The following EGFLAM variants were observed in gnomAD, a reference collection of about 807,000 sequenced individuals.
EGFLAM encodes EGF like, fibronectin type III and laminin G domains.
Under a neutral mutation model 113.1 loss-of-function variants are expected in EGFLAM, and 79 were observed. The observed-to-expected ratio is 0.70, with a 90% CI of 0.58 to 0.84. EGFLAM has a LOEUF of 0.84. EGFLAM is among the 40% of genes least tolerant of loss of function. EGFLAM has a pLI of 0.00. For missense variants in EGFLAM, 1,265 were observed against 1,291.6 expected (o/e 0.98, Z 0.32); for synonymous variants, 504 against 487.6 (o/e 1.03, Z -0.44).
intron 6 of EGFLAM, among the ~76,000 whole-genome samples, chr5:38,396,691 G>C (rs1740970223): frequency 6.6e-6 from 1 of 152,198 alleles, no homozygotes. Flanking sequence ...TGCCACAGAA[G>C]GTTGCCAGGA....
intron 5 of EGFLAM, among the ~76,000 whole-genome samples, chr5:38,366,511 C>T (rs185564758): frequency 6.6e-6 from 1 of 152,256 alleles, no homozygotes; most frequent in African/African-American, 2.4e-5. Context: ...AATGGACTAG[C>T]CCATGGCAGC....
chr5:38,347,189 C>T (rs1384185980), intron 3 of EGFLAM, among the ~76,000 whole-genome samples: 3 of 152,124 alleles, frequency 2.0e-5, no homozygotes, highest in Non-Finnish European at 4.4e-5. Flanking sequence ...TCAGTAGTAT[C>T]GGCTGGCTTC....
chr5:38,323,674 A>T (rs1259689952), intron 1 of EGFLAM, among the ~76,000 whole-genome samples: 1 of 152,132 alleles, frequency 6.6e-6, no homozygotes, highest in East Asian at 1.9e-4. Context: ...TTGAGGAAGC[A>T]CTAGCATGTT....
chr5:38,342,613 T>C (rs999605697), intron 3 of EGFLAM, among the ~76,000 whole-genome samples: 1 of 152,200 alleles, frequency 6.6e-6, no homozygotes. Context: ...GCCCACCTTA[T>C]CTTTTTCTTA....
chr5:38,426,773 G>A (rs1742022746), intron 13 of EGFLAM, among the ~76,000 whole-genome samples: 1 of 152,140 alleles, frequency 6.6e-6, no homozygotes, highest in Admixed American at 6.5e-5. Flanking sequence ...GCACGTGAGA[G>A]GAGAGAAAGA....
intron 6 of EGFLAM, among the ~76,000 whole-genome samples, chr5:38,387,252 T>C (rs1044964855): frequency 2.6e-5 from 4 of 152,284 alleles, no homozygotes; most frequent in Admixed American, 1.3e-4. Context: ...TCCACTGGCT[T>C]GTTGCTCTCC....
intron 15 of EGFLAM, among the ~76,000 whole-genome samples, chr5:38,432,903 C>T (rs1328842623): frequency 1.3e-5 from 2 of 152,220 alleles, no homozygotes; most frequent in East Asian, 3.8e-4. Flanking sequence ...GTGACACCTA[C>T]ACTCTCCCTT....
Position 38,406,940 on chromosome 5 carries a change from C to T in EGFLAM, c.941C>T (p.Ala314Val), listed in dbSNP as rs1258821944. The T allele has an allele frequency of 3.7e-6, 6 of 1,614,092 alleles. No individual in the cohort carries two copies. In the East Asian group the frequency reaches 1.3e-4, roughly 36 times the overall value. The change falls in exon 8 of 22, where the codon GCA (alanine) becomes GTA (valine). Residue 314 changes from alanine (A) to valine (V), a missense_variant. Transcript: ENST00000322350. ...TISRLIPPTS[A>V]SLPVTTVAPQ... is the part of the protein sequence containing the mutation. ...TCTAGGCTCATCCCCCCTACCTCAG[C>T]ATCTCTCCCTGTGACCACGGTGGCT...
chr5:38,459,319 TA>T (rs1228687636), intron 20 of EGFLAM, among the ~76,000 whole-genome samples: 3 of 151,136 alleles, frequency 2.0e-5, no homozygotes, highest in Admixed American at 2.0e-4. Context: ...TTTTTTTTTT[TA>T]CACATTACCT....
chr5:38,446,867 G>T (rs1221002379), intron 17 of EGFLAM, among the ~76,000 whole-genome samples: 1 of 152,080 alleles, frequency 6.6e-6, no homozygotes, highest in East Asian at 1.9e-4. Context: ...ATGTTTGAAG[G>T]TTAATCTGTA....
chr5:38,422,507 AT>A (rs1186187348), intron 12 of EGFLAM, among the ~76,000 whole-genome samples: 1 of 152,194 alleles, frequency 6.6e-6, no homozygotes, highest in African/African-American at 2.4e-5. Context: ...TCTTCTCATA[AT>A]GATGTTCTTA....
intron 1 of EGFLAM, among the ~76,000 whole-genome samples, chr5:38,262,275 G>T (rs1757518218): frequency 6.6e-6 from 1 of 152,206 alleles, no homozygotes. Flanking sequence ...CCAGACAACT[G>T]CGGGAACCAG....
chr5:38,368,020 A>G (rs1004872447), intron 5 of EGFLAM, among the ~76,000 whole-genome samples: 3 of 152,182 alleles, frequency 2.0e-5, no homozygotes, highest in African/African-American at 7.2e-5. Context: ...GTTTTGCTGT[A>G]GTTTTTACAT....
intron 6 of EGFLAM, among the ~76,000 whole-genome samples, chr5:38,391,057 T>C (rs77034360): frequency 6.6e-6 from 1 of 152,280 alleles, no homozygotes; most frequent in African/African-American, 2.4e-5. Context: ...TAAAAACAAC[T>C]TCTTTTTTCC....
chr5:38,374,219 C>T (rs1295226471), intron 6 of EGFLAM, among the ~76,000 whole-genome samples: 1 of 152,146 alleles, frequency 6.6e-6, no homozygotes, highest in African/African-American at 2.4e-5. Flanking sequence ...GTTCACCTTA[C>T]CCGCTGCCTA....
In EGFLAM at chr5:38,337,487, G is replaced by GCC. The variant is rs766301604; in HGVS notation, c.98-32_98-31dup. ...GTATACTCAAGGTGGGATGTGTGGA[G>GCC]CCTCTAACACAATCTCTTTTGTTTG... On this transcript the variant is annotated intron_variant, in intron 1 of 21. Transcript: ENST00000322350. 6.5e-6 allele frequency: 10 copies of GCC among 1,549,372 alleles called. No individual in the cohort carries two copies. The South Asian group carries it at 1.2e-4, about 18-fold the overall frequency.
chr5:38,393,281 T>C (rs1213794355), intron 6 of EGFLAM, among the ~76,000 whole-genome samples: 1 of 152,222 alleles, frequency 6.6e-6, no homozygotes, highest in Non-Finnish European at 1.5e-5. Flanking sequence ...TAGTGTACTT[T>C]AGTAATTTTT....
intron 5 of EGFLAM, among the ~76,000 whole-genome samples, chr5:38,354,046 A>T (rs1319704955): frequency 1.3e-5 from 2 of 152,218 alleles, no homozygotes; most frequent in Non-Finnish European, 2.9e-5. Flanking sequence ...CTGGTTGTTC[A>T]CTCAAACCTG....
chr5:38,314,109 C>A (rs1360606321), intron 1 of EGFLAM, among the ~76,000 whole-genome samples: 1 of 152,096 alleles, frequency 6.6e-6, no homozygotes, highest in Non-Finnish European at 1.5e-5. Context: ...TATGGCTTTA[C>A]CAATATATAC....
Sources: gnomAD v4.1 joint callset for allele counts (sites outside exome capture counted in the v4.1 genomes callset) on GRCh38, gnomAD v4.1.1 for gene constraint, MANE v1.5 for transcripts, NCBI Gene and HGNC (gene_info 2026-07-23, HGNC 2026-07-21) for gene names.